The following CASP8 variants were observed in gnomAD, a reference collection of about 807,000 sequenced individuals.
The protein encoded by CASP8 is caspase-8.
Under a neutral mutation model 46.3 loss-of-function variants are expected in CASP8, and 24 were observed. The observed-to-expected ratio is 0.52, with a 90% CI of 0.38 to 0.73. The LOEUF is 0.73. CASP8 is among the 30% of genes least tolerant of loss of function. The probability of loss-of-function intolerance (pLI) is 0.00; values close to 1 mark genes in which losing one functional copy is unlikely to be tolerated. For missense variants in CASP8, 460 were observed against 559.0 expected, an observed-to-expected ratio of 0.82 and a Z score of 1.79; for synonymous variants, 188 against 200.4, an observed-to-expected ratio of 0.94 and a Z score of 0.52.
chr2:201,262,229 C>T (rs552880799), intron 1 of CASP8: 2 of 151,902 alleles, frequency 1.3e-5, no homozygotes, highest in Non-Finnish European at 2.9e-5. Flanking sequence ...ATTTCCAAGC[C>T]GTGATTTTTC....
rs541334471 is a variant in CASP8, at chr2:201,270,437, C to T, written c.306-1079C>T. On this transcript the variant is annotated intron_variant, in intron 2 of 8. Coordinates refer to ENST00000673742, the MANE Select transcript of CASP8 (RefSeq NM_001372051.1). ...CTCAAAGATAGTGGAACCAAGGCTC[C>T]AACACCAATAGCCTGGGTCCGCTGA... Among the ~76,000 whole-genome samples the T allele has an allele frequency of 2.6e-5, 4 of 152,330 alleles. No individual in the cohort carries two copies. The East Asian group carries it at 7.7e-4, about 29-fold the overall frequency.
chr2:201,264,867 AG>A (rs1947685727), intron 1 of CASP8, among the ~76,000 whole-genome samples: 1 of 152,028 alleles, frequency 6.6e-6, no homozygotes, highest in Non-Finnish European at 1.5e-5. Flanking sequence ...AACCAGCAAA[AG>A]TTTCTGCCCT....
At chr2:201,274,640 A>C (rs1486268795) in intron 5 of CASP8, among the ~76,000 whole-genome samples, 2 of 152,138 alleles carry the variant, frequency 1.3e-5, no homozygotes, top group Non-Finnish European at 2.9e-5. Context: ...ACGCCCGGCT[A>C]ATTTTTTTGT....
At chr2:201,258,254 G>C, upstream of CASP8, 5 of 1,607,562 alleles carry the variant, frequency 3.1e-6, no homozygotes, top group Non-Finnish European at 4.3e-6. Context: ...AGAAGAGCCA[G>C]GGTGGTTATT....
rs765352144 is a variant in CASP8 at position 201,276,894 on chromosome 2, A to G, written c.728A>G (p.Asn243Ser). Residue 243 changes from asparagine to serine, a missense_variant, in exon 7 of 9, where the codon AAT (asparagine) becomes AGT (serine). Coordinates refer to ENST00000673742, the MANE Select transcript of CASP8 (RefSeq NM_001372051.1). ...RGYCLIINNH[N>S]FAKAREKVPK... ...TACTGTCTGATCATCAACAATCACA[A>G]TTTTGCAAAAGCACGGGAGAAAGTG... 8.7e-6 allele frequency: 14 copies of G among 1,614,026 alleles called. No individual in the cohort carries two copies. The highest frequency in any genetic ancestry group is 1.2e-5 in the Non-Finnish European group (14 of 1,179,986).
chr2:201,268,578 G>T (rs1318799588), intron 2 of CASP8, among the ~76,000 whole-genome samples: 1 of 152,104 alleles, frequency 6.6e-6, no homozygotes, highest in Non-Finnish European at 1.5e-5. Flanking sequence ...AGATATTCTG[G>T]GTATATAAGT....
intron 2 of CASP8, among the ~76,000 whole-genome samples, chr2:201,247,812 T>C (rs1946602612): frequency 1.3e-5 from 2 of 152,048 alleles, no homozygotes; most frequent in Admixed American, 6.5e-5. Flanking sequence ...ACCTGGCTAA[T>C]TTTTTGTATT....
intron 7 of CASP8, among the ~76,000 whole-genome samples, chr2:201,279,332 A>C (rs13393110): frequency 0.14 from 21,777 of 152,252 alleles, 2,824 homozygotes; most frequent in African/African-American, 0.34. Context: ...GAAGCAATGA[A>C]GCATTTTACT....
intron 7 of CASP8, chr2:201,277,775 A>C (rs1948736950): frequency 2.5e-6 from 1 of 397,424 alleles, no homozygotes; most frequent in Admixed American, 3.3e-5. Context: ...ATCTCAGCTC[A>C]CTGCAGCCTC....
At chr2:201,286,201 G>T (rs1227074202) in intron 8 of CASP8, among the ~76,000 whole-genome samples, 1 of 152,216 alleles carries the variant, frequency 6.6e-6, no homozygotes, top group African/African-American at 2.4e-5. Flanking sequence ...AGGAGAGAAA[G>T]AAACCAACTC....
chr2:201,259,775 C>A (rs1370074298), upstream of CASP8, among the ~76,000 whole-genome samples: 1 of 151,956 alleles, frequency 6.6e-6, no homozygotes, highest in East Asian at 1.9e-4. Flanking sequence ...AGATGGTAAA[C>A]CCAGCTTTCA....
intron 1 of CASP8, among the ~76,000 whole-genome samples, chr2:201,264,356 G>T (rs530447086): frequency 1.8e-4 from 28 of 151,946 alleles, no homozygotes; most frequent in African/African-American, 6.3e-4. Flanking sequence ...GACAGAGATG[G>T]CTAAATTACC....
intron 2 of CASP8, among the ~76,000 whole-genome samples, chr2:201,253,284 T>C (rs1168372708): frequency 1.5e-5 from 2 of 134,882 alleles, no homozygotes; most frequent in Non-Finnish European, 3.1e-5. Context: ...CCACTGCACC[T>C]AGCCTGATCT....
At position 201,280,930 on chromosome 2, in the gene CASP8, TACA is replaced by T. The variant is rs1453820704; in HGVS notation, c.803-3884_803-3882del. 2.0e-5 allele frequency among the ~76,000 whole-genome samples: 3 copies of T among 151,980 alleles called. No individual in the cohort carries two copies. The East Asian group carries it at 5.8e-4, about 29-fold the overall frequency. On this transcript the variant is annotated intron_variant, in intron 7 of 8. Coordinates refer to ENST00000673742, the MANE Select transcript of CASP8 (RefSeq NM_001372051.1). Reference sequence around the variant, plus strand: ...GGAAACAAAGCAGATGAAAAAATAATACAATTACAAGTTCCAGGAAAGGCAAAA... The same window carrying T: ...GGAAACAAAGCAGATGAAAAAATAATATTACAAGTTCCAGGAAAGGCAAAA...
intron 2 of CASP8, among the ~76,000 whole-genome samples, chr2:201,245,495 C>T (rs1946473019): frequency 6.6e-6 from 1 of 152,226 alleles, no homozygotes; most frequent in South Asian, 2.1e-4. Flanking sequence ...CCCACCTCGG[C>T]CTCCCAAAGT....
At chr2:201,285,369 A>G (rs1036564097) in intron 8 of CASP8, 52 bp downstream of exon 8, 1 of 1,578,320 alleles carries the variant, frequency 6.3e-7, no homozygotes. Flanking sequence ...TTCCCCCCCT[A>G]CTCCATCACA....
At chr2:201,258,319 C>CAGGGA, upstream of CASP8, 1 of 1,614,122 alleles carries the variant, frequency 6.2e-7, no homozygotes, top group Non-Finnish European at 8.5e-7. Flanking sequence ...CCCTGCTGAG[C>CAGGGA]ACGTGGAGTT....
chr2:201,275,329 A>C lies in CASP8; in HGVS notation c.660+376A>C, dbSNP rs1165926091. The stretch of plus-strand genomic sequence containing the variant: ...AAAGCCAAGCCTTTTCCTTTAGCTT[A>C]ATGTTTCAAAAATGCTTCTCCTTGG... On this transcript the variant is annotated intron_variant, in intron 6 of 8. Transcript: ENST00000673742. 2.0e-5 allele frequency among the ~76,000 whole-genome samples: 3 copies of C among 152,258 alleles called. No individual in the cohort carries two copies. In the East Asian group the frequency reaches 5.8e-4, roughly 29 times the overall value.
At chr2:201,255,569 A>T (rs1469254802), upstream of CASP8, among the ~76,000 whole-genome samples, 1 of 152,130 alleles carries the variant, frequency 6.6e-6, no homozygotes, top group Non-Finnish European at 1.5e-5. Flanking sequence ...ACATGCAGGG[A>T]GATGTGTACA....
Sources: gnomAD v4.1 joint callset for allele counts (sites outside exome capture counted in the v4.1 genomes callset) on GRCh38, gnomAD v4.1.1 for gene constraint, MANE v1.5 for transcripts, NCBI Gene and HGNC (gene_info 2026-07-23, HGNC 2026-07-21) for gene names.